The following SYT16 variants were observed in gnomAD, a reference collection of about 807,000 sequenced individuals.
The protein encoded by SYT16 is synaptotagmin 16, also known as synaptotagmin-16.
In SYT16, 42 loss-of-function variants were observed where a neutral mutation model predicts 61.4. The observed-to-expected ratio is 0.68, with a 90% CI of 0.53 to 0.89. The LOEUF is 0.89. Ranked by LOEUF, SYT16 falls within the 40% of genes least tolerant of loss-of-function variation. SYT16 has a pLI of 0.00. For missense variants in SYT16, 804 were observed against 807.3 expected, an observed-to-expected ratio of 1.00 and a Z score of 0.05; for synonymous variants, 314 against 302.3, an observed-to-expected ratio of 1.04 and a Z score of -0.40.
chr14:62,009,176 G>T (rs1278118418), intron 3 of SYT16, among the ~76,000 whole-genome samples: 1 of 152,138 alleles, frequency 6.6e-6, no homozygotes, highest in Non-Finnish European at 1.5e-5. Context: ...TTGTCTGTTT[G>T]TTTAGTAGCA....
At chr14:62,092,838 AC>A (rs2057137335) in intron 7 of SYT16, among the ~76,000 whole-genome samples, 1 of 152,028 alleles carries the variant, frequency 6.6e-6, no homozygotes, top group South Asian at 2.1e-4. Context: ...TGAATCTAAT[AC>A]CACTGAAATG....
intron 3 of SYT16, among the ~76,000 whole-genome samples, chr14:62,033,165 A>G (rs1232694308): frequency 7.9e-5 from 12 of 152,138 alleles, no homozygotes; most frequent in Non-Finnish European, 1.5e-4. Flanking sequence ...GCAAGAGGAC[A>G]TCTTAAAAAC....
intron 1 of SYT16, among the ~76,000 whole-genome samples, chr14:61,850,106 T>A (rs200517203): frequency 1.8e-5 from 2 of 110,744 alleles, no homozygotes; most frequent in Non-Finnish European, 3.9e-5. Context: ...TATCTCAGTG[T>A]GGTTTTAATT....
In SYT16 at chr14:61,835,975, C is replaced by T. The variant is rs1241703652; in HGVS notation, c.-325+23165C>T. Among the ~76,000 whole-genome samples, 7 of 152,146 alleles carry T rather than the reference C, an allele frequency of 4.6e-5. No homozygotes were observed. In the East Asian group the frequency reaches 5.8e-4, roughly 13 times the overall value. ...TGGTTTACAAAATATGGTTACTGGA[C>T]TAGTAACGTTGCCATCACCGGGAAC... On this transcript the variant is annotated intron_variant, in intron 1 of 7. Coordinates refer to ENST00000683842, the MANE Select transcript of SYT16 (RefSeq NM_001367656.1).
intron 3 of SYT16, among the ~76,000 whole-genome samples, chr14:62,009,956 G>A (rs193138228): frequency 6.6e-6 from 1 of 152,290 alleles, no homozygotes; most frequent in Admixed American, 6.5e-5. Context: ...TCATGCAGTT[G>A]TAATCTCTGG....
chr14:61,879,611 T>G (rs1317026407), intron 1 of SYT16, among the ~76,000 whole-genome samples: 5 of 152,188 alleles, frequency 3.3e-5, no homozygotes, highest in Admixed American at 3.3e-4. Flanking sequence ...CTCCGACTCC[T>G]GTCCCACCCT....
At position 61,943,991 on chromosome 14, in the gene SYT16, C is replaced by T. The variant is rs143070832; in HGVS notation, c.-324-26141C>T. Among the ~76,000 whole-genome samples the T allele has an allele frequency of 1.7e-3, 256 of 152,332 alleles. 1 individual carries two copies. Among genetic ancestry groups the T allele is most frequent in the African/African-American group, 5.7e-3 (236 of 41,572 alleles). On this transcript the variant is annotated intron_variant, in intron 1 of 7. Transcript: ENST00000683842. ...TTGTACATTTAGAAGACTCCATCATCTCAGCCCAAAATCTCCTTAAGCTGA... is the reference window on the plus strand; with the variant it reads ...TTGTACATTTAGAAGACTCCATCATTTCAGCCCAAAATCTCCTTAAGCTGA...
intron 1 of SYT16, among the ~76,000 whole-genome samples, chr14:61,966,804 A>G (rs1399159109): frequency 6.6e-6 from 1 of 152,184 alleles, no homozygotes. Flanking sequence ...CTATGTTGGT[A>G]GTTTTGCTGA....
intron 3 of SYT16, among the ~76,000 whole-genome samples, chr14:62,018,591 G>T (rs1376391202): frequency 6.6e-6 from 1 of 152,096 alleles, no homozygotes; most frequent in Non-Finnish European, 1.5e-5. Context: ...ACAGGCATGA[G>T]CCATCGTGCC....
chr14:61,987,709 G>T (rs1325445309), intron 2 of SYT16, among the ~76,000 whole-genome samples: 1 of 149,908 alleles, frequency 6.7e-6, no homozygotes, highest in African/African-American at 2.5e-5. Flanking sequence ...AATTGGAGTT[G>T]TGTTATGGTG....
At chr14:62,073,107 A>G (rs1010431131) in intron 4 of SYT16, among the ~76,000 whole-genome samples, 2 of 152,098 alleles carry the variant, frequency 1.3e-5, no homozygotes, top group Admixed American at 6.5e-5. Context: ...TTGCTTCTCT[A>G]ATTCATTCCT....
chr14:62,027,376 G>A (rs181087035), intron 3 of SYT16, among the ~76,000 whole-genome samples: 214 of 152,320 alleles, frequency 1.4e-3, no homozygotes, highest in Non-Finnish European at 1.7e-3. Context: ...CAAGAAGAGA[G>A]ATGGAGAGGA....
Position 62,108,557 on chromosome 14 carries a change from A to C in SYT16, c.*7850A>C, listed in dbSNP as rs1036757392. ...ATAGCCAATGCCTTGACCAAAGCTTACTAATTTTGCCACATTTCCTTGTGG... is the reference window on the plus strand; with the variant it reads ...ATAGCCAATGCCTTGACCAAAGCTTCCTAATTTTGCCACATTTCCTTGTGG... On this transcript the variant is annotated 3_prime_UTR_variant, in exon 8 of 8. Coordinates refer to ENST00000683842, the MANE Select transcript of SYT16 (RefSeq NM_001367656.1). The C allele has an allele frequency of 3.2e-4, 48 of 152,152 alleles. No homozygotes were observed. Among genetic ancestry groups the C allele is most frequent in the African/African-American group, 1.2e-3 (48 of 41,456 alleles). The allele number at this position is 152,152 out of a possible 1,614,324, so 9.4% of individuals were successfully genotyped here. A position where few individuals can be genotyped will look rare whatever the true frequency, so the allele number is the denominator to read the frequency against.
intron 1 of SYT16, chr14:61,897,159 A>G (rs1026510909): frequency 2.0e-5 from 3 of 152,260 alleles, no homozygotes; most frequent in Non-Finnish European, 4.4e-5. Flanking sequence ...CGTATTGTCT[A>G]TGGCTACTTT....
chr14:62,038,353 T>C (rs994028032), intron 3 of SYT16, among the ~76,000 whole-genome samples: 32 of 150,560 alleles, frequency 2.1e-4, no homozygotes, highest in Admixed American at 1.2e-3. Flanking sequence ...AGCAGCAAAA[T>C]CCATCAGGGG....
At chr14:62,084,071 C>T in intron 6 of SYT16, 125 bp from the exon 7 acceptor site, 1 of 1,154,588 alleles carries the variant, frequency 8.7e-7, no homozygotes, top group Non-Finnish European at 1.2e-6. Flanking sequence ...GCCGAGTGCG[C>T]CCTTAGTCAT....
chr14:61,846,772 T>A (rs1380795449), intron 1 of SYT16, among the ~76,000 whole-genome samples: 1 of 152,196 alleles, frequency 6.6e-6, no homozygotes, highest in African/African-American at 2.4e-5. Context: ...AAGGTAATTT[T>A]TTTCTGGTGA....
intron 1 of SYT16, among the ~76,000 whole-genome samples, chr14:61,924,170 T>A (rs184492535): frequency 6.6e-6 from 1 of 152,250 alleles, no homozygotes; most frequent in Admixed American, 6.5e-5. Flanking sequence ...CCCAGCACTG[T>A]GCTAGGGGGC....
At chr14:61,959,217 A>G (rs991313435) in intron 1 of SYT16, among the ~76,000 whole-genome samples, 4 of 152,100 alleles carry the variant, frequency 2.6e-5, no homozygotes, top group African/African-American at 9.7e-5. Context: ...CAGCCATTAT[A>G]TGTCTTTTAA....
Sources: gnomAD v4.1 joint callset for allele counts (sites outside exome capture counted in the v4.1 genomes callset) on GRCh38, gnomAD v4.1.1 for gene constraint, MANE v1.5 for transcripts, NCBI Gene and HGNC (gene_info 2026-07-23, HGNC 2026-07-21) for gene names.